Variants in MAPRE2 observed in about 807,000 individuals in gnomAD.
MAPRE2 encodes microtubule associated protein RP/EB family member 2, also known as microtubule-associated protein RP/EB family member 2.
In MAPRE2, 13 loss-of-function variants were observed where a neutral mutation model predicts 43.2. That is an observed-to-expected ratio of 0.30 (90% CI 0.20 to 0.48). The LOEUF (loss-of-function observed/expected upper bound fraction) is 0.48, where lower values mean the gene tolerates loss of function less well. MAPRE2 is among the 20% of genes least tolerant of loss of function. The pLI, the probability that MAPRE2 is intolerant of heterozygous loss-of-function variation, is 0.99. For missense variants in MAPRE2, 161 were observed against 400.2 expected (o/e 0.40, Z 5.10); for synonymous variants, 135 against 148.8 (o/e 0.91, Z 0.68).
At chr18:34,980,364 G>A (rs984575253) in intron 1 of MAPRE2, among the ~76,000 whole-genome samples, 6 of 152,066 alleles carry the variant, frequency 3.9e-5, no homozygotes, top group Admixed American at 3.9e-4. Flanking sequence ...CTTGCACACA[G>A]CAAGCACTCA....
chr18:35,063,328 T>A (rs184926585), intron 1 of MAPRE2, among the ~76,000 whole-genome samples: 1 of 151,980 alleles, frequency 6.6e-6, no homozygotes, highest in Non-Finnish European at 1.5e-5. Context: ...AGGATGGTCT[T>A]GATCTCCTGA....
chr18:35,128,394 T>A (rs1005540321), intron 5 of MAPRE2, among the ~76,000 whole-genome samples: 33 of 152,234 alleles, frequency 2.2e-4, no homozygotes, highest in Non-Finnish European at 5.9e-5. Flanking sequence ...GCCTTGGACC[T>A]AAAGTTAGTC....
At chr18:35,026,405 C>G (rs2097045200) in intron 2 of MAPRE2, among the ~76,000 whole-genome samples, 1 of 152,182 alleles carries the variant, frequency 6.6e-6, no homozygotes, top group Non-Finnish European at 1.5e-5. Flanking sequence ...ATGCCTCTGA[C>G]CTGCTTATTC....
At chr18:34,994,525 G>T (rs566366742) in intron 1 of MAPRE2, among the ~76,000 whole-genome samples, 2 of 152,132 alleles carry the variant, frequency 1.3e-5, no homozygotes, top group East Asian at 1.9e-4. Flanking sequence ...GGCCAGAGAA[G>T]GTCCTGTTCC....
upstream of MAPRE2, among the ~76,000 whole-genome samples, chr18:35,037,725 G>A (rs777574147): frequency 2.6e-5 from 4 of 152,032 alleles, no homozygotes; most frequent in South Asian, 2.1e-4. Context: ...GTGGGGAACC[G>A]GAAATAGTCT....
At chr18:35,095,523 G>GT (rs59656363) in intron 2 of MAPRE2, among the ~76,000 whole-genome samples, 15,092 of 134,074 alleles carry the variant, frequency 0.11, 1,075 homozygotes, top group East Asian at 0.23. Flanking sequence ...ATGGAAGAGG[G>GT]TTTTTTTTTT....
chr18:35,097,404 TAC>T, intron 2 of MAPRE2, 40 bp from the exon 3 acceptor site: 1 of 1,595,818 alleles, frequency 6.3e-7, no homozygotes, highest in Non-Finnish European at 8.6e-7. Context: ...CACATCTGGG[TAC>T]AGTGAGACTC....
chr18:35,073,173 A>G (rs2144109789), intron 2 of MAPRE2, among the ~76,000 whole-genome samples: 1 of 152,256 alleles, frequency 6.6e-6, no homozygotes, highest in East Asian at 1.9e-4. Flanking sequence ...AGTACATTTT[A>G]CCCCAGACCA....
In MAPRE2 at chr18:35,089,059, T is replaced by C. The variant is rs1035404171; in HGVS notation, c.251-8387T>C. On this transcript the variant is annotated intron_variant, in intron 2 of 6. Transcript: ENST00000300249. ...AAAGTTGAATGATACTGGAGCATAT[T>C]TGCAGGATTTAGGAATAACATATGC... Among the ~76,000 whole-genome samples, 8 of 152,198 alleles carry C rather than the reference T, an allele frequency of 5.3e-5. No homozygotes were observed. In the South Asian group the frequency reaches 1.0e-3, roughly 20 times the overall value.
intron 6 of MAPRE2, among the ~76,000 whole-genome samples, chr18:35,132,694 G>A (rs1910211929): frequency 6.6e-6 from 1 of 152,204 alleles, no homozygotes; most frequent in Admixed American, 6.5e-5. Flanking sequence ...TTTATGGGGA[G>A]GAGCTGCCAC....
chr18:34,981,001 A>G (rs956677505), intron 1 of MAPRE2, among the ~76,000 whole-genome samples: 1 of 152,154 alleles, frequency 6.6e-6, no homozygotes, highest in Admixed American at 6.6e-5. Flanking sequence ...CAAAGACCAA[A>G]ATGATATAAA....
chr18:35,071,404 A>G (rs1907111792), intron 2 of MAPRE2, among the ~76,000 whole-genome samples: 3 of 152,194 alleles, frequency 2.0e-5, no homozygotes, highest in South Asian at 4.1e-4. Context: ...AACAAAAAAT[A>G]TGCTGCTAGT....
chr18:35,123,126 C>T (rs556951389), intron 4 of MAPRE2, among the ~76,000 whole-genome samples: 1 of 152,298 alleles, frequency 6.6e-6, no homozygotes, highest in South Asian at 2.1e-4. Context: ...TTCATAGTTG[C>T]TCTTCCCCGA....
At chr18:35,108,247 T>G (rs575536255) in intron 4 of MAPRE2, among the ~76,000 whole-genome samples, 26 of 152,214 alleles carry the variant, frequency 1.7e-4, no homozygotes, top group Non-Finnish European at 2.9e-4. Context: ...CTGTGTTAGT[T>G]CGCTGAGGAA....
chr18:35,046,279 G>A (rs971110526), intron 1 of MAPRE2, among the ~76,000 whole-genome samples: 1 of 152,222 alleles, frequency 6.6e-6, no homozygotes, highest in Non-Finnish European at 1.5e-5. Flanking sequence ...AGTAAAGTCC[G>A]ATGGAAAACC....
chr18:35,105,906 C>T (rs1453521340), intron 4 of MAPRE2, among the ~76,000 whole-genome samples: 1 of 152,100 alleles, frequency 6.6e-6, no homozygotes, highest in African/African-American at 2.4e-5. Context: ...TCATAGGTCC[C>T]TTACAATTCT....
At chr18:35,073,570 A>G (rs1302538501) in intron 2 of MAPRE2, among the ~76,000 whole-genome samples, 1 of 152,202 alleles carries the variant, frequency 6.6e-6, no homozygotes, top group Non-Finnish European at 1.5e-5. Flanking sequence ...TAAAATGTCA[A>G]CATCATTTCT....
intron 1 of MAPRE2, among the ~76,000 whole-genome samples, chr18:35,052,360 A>G (rs1603394598): frequency 2.0e-5 from 3 of 152,216 alleles, no homozygotes; most frequent in Non-Finnish European, 2.9e-5. Flanking sequence ...ACTCAGCACA[A>G]TGATTTTAAG....
intron 1 of MAPRE2, among the ~76,000 whole-genome samples, chr18:35,059,266 G>T (rs961399541): frequency 2.0e-5 from 3 of 152,194 alleles, no homozygotes; most frequent in Middle Eastern, 3.4e-3. Flanking sequence ...TCATTAAGCT[G>T]CAGGGCAGCT....
Sources: allele counts gnomAD v4.1 joint callset (sites outside exome capture counted in the v4.1 genomes callset), GRCh38; gene constraint gnomAD v4.1.1; transcripts MANE v1.5; gene names NCBI Gene and HGNC (gene_info 2026-07-23, HGNC 2026-07-21).